The following PCDH9 variants were observed in gnomAD, a reference collection of about 807,000 sequenced individuals.
PCDH9 encodes protocadherin-9.
In PCDH9, 24 loss-of-function variants were observed where a neutral mutation model predicts 70.6. The ratio of observed to expected loss-of-function variants is 0.34; its 90% CI spans 0.25 to 0.48. PCDH9 has a LOEUF of 0.48. Among genes scored for constraint, PCDH9 ranks in the 20% least tolerant of loss-of-function variants. PCDH9 has a pLI of 0.99. For missense variants in PCDH9, 1,281 were observed against 1,503.6 expected (o/e 0.85, Z 2.45); for synonymous variants, 562 against 558.5 (o/e 1.01, Z -0.09).
intron 2 of PCDH9, among the ~76,000 whole-genome samples, chr13:67,136,600 A>G (rs2087238157): frequency 6.6e-6 from 1 of 152,176 alleles, no homozygotes; most frequent in African/African-American, 2.4e-5. Flanking sequence ...AATATAGGCT[A>G]GCTAAACTCT....
intron 4 of PCDH9, among the ~76,000 whole-genome samples, chr13:66,378,171 G>A (rs1956783095): frequency 6.6e-6 from 1 of 152,166 alleles, no homozygotes; most frequent in Admixed American, 6.5e-5. Context: ...GAAGAGAAGT[G>A]CAATCTGTGT....
chr13:67,178,476 T>A (rs919642720), intron 2 of PCDH9, among the ~76,000 whole-genome samples: 2 of 152,132 alleles, frequency 1.3e-5, no homozygotes, highest in Admixed American at 1.3e-4. Context: ...CTGTTTACAA[T>A]AATAATGTTG....
At chr13:66,702,636 T>A (rs2078661951) in intron 3 of PCDH9, among the ~76,000 whole-genome samples, 1 of 152,212 alleles carries the variant, frequency 6.6e-6, no homozygotes, top group African/African-American at 2.4e-5. Context: ...ACGGAGAAGT[T>A]AATTAGCTTA....
At chr13:66,926,738 A>G (rs920197961) in intron 2 of PCDH9, among the ~76,000 whole-genome samples, 10 of 152,070 alleles carry the variant, frequency 6.6e-5, no homozygotes, top group African/African-American at 2.4e-4. Flanking sequence ...TAATTCCACA[A>G]GCGTTTTTCA....
intron 3 of PCDH9, among the ~76,000 whole-genome samples, chr13:66,762,043 G>T (rs1218383997): frequency 6.6e-6 from 1 of 152,002 alleles, no homozygotes; most frequent in Non-Finnish European, 1.5e-5. Flanking sequence ...CAGTAAGCTT[G>T]TCCAGAGATT....
intron 3 of PCDH9, among the ~76,000 whole-genome samples, chr13:66,843,731 C>T (rs2081155836): frequency 6.6e-6 from 1 of 152,194 alleles, no homozygotes; most frequent in African/African-American, 2.4e-5. Flanking sequence ...AACATATGAG[C>T]TGGGCCTACT....
chr13:67,008,243 A>C (rs531141391), intron 2 of PCDH9, among the ~76,000 whole-genome samples: 1 of 152,182 alleles, frequency 6.6e-6, no homozygotes, highest in Non-Finnish European at 1.5e-5. Context: ...GTTACTGGAG[A>C]GTAAAAAGCA....
intron 2 of PCDH9, among the ~76,000 whole-genome samples, chr13:67,005,388 A>G (rs949983238): frequency 5.9e-5 from 9 of 152,212 alleles, no homozygotes; most frequent in African/African-American, 1.7e-4. Context: ...GCAACTTACT[A>G]TATAAAAATA....
chr13:66,683,144 C>T (rs1296466261), intron 3 of PCDH9, among the ~76,000 whole-genome samples: 2 of 152,104 alleles, frequency 1.3e-5, no homozygotes, highest in Non-Finnish European at 2.9e-5. Flanking sequence ...ATAAAGCCCA[C>T]AATCAAGGAG....
At chr13:66,445,602 A>G (rs1227468748) in intron 4 of PCDH9, among the ~76,000 whole-genome samples, 2 of 143,602 alleles carry the variant, frequency 1.4e-5, no homozygotes, top group African/African-American at 5.1e-5. Context: ...TATTATATAC[A>G]CATATATATT....
At chr13:66,704,904 C>A (rs1014957022) in intron 3 of PCDH9, among the ~76,000 whole-genome samples, 1 of 152,064 alleles carries the variant, frequency 6.6e-6, no homozygotes, top group Non-Finnish European at 1.5e-5. Flanking sequence ...AGTCATATAA[C>A]AAAACATATT....
intron 2 of PCDH9, among the ~76,000 whole-genome samples, chr13:67,168,683 T>C (rs2088192591): frequency 6.6e-6 from 1 of 152,152 alleles, no homozygotes; most frequent in Non-Finnish European, 1.5e-5. Context: ...GTGAGCTGTG[T>C]TCAGGCCACT....
intron 4 of PCDH9, among the ~76,000 whole-genome samples, chr13:66,355,550 C>CT (rs1956368847): frequency 6.6e-6 from 1 of 152,090 alleles, no homozygotes; most frequent in Non-Finnish European, 1.5e-5. Context: ...TTCTTAAGCA[C>CT]TAGAAGGCTC....
At chr13:66,811,489 A>T (rs1300023003) in intron 3 of PCDH9, among the ~76,000 whole-genome samples, 1 of 152,168 alleles carries the variant, frequency 6.6e-6, no homozygotes, top group Non-Finnish European at 1.5e-5. Context: ...TATGCTTAAA[A>T]TGTTACACCA....
At chr13:66,751,185 G>A (rs1040340367) in intron 3 of PCDH9, among the ~76,000 whole-genome samples, 28 of 151,980 alleles carry the variant, frequency 1.8e-4, no homozygotes, top group African/African-American at 6.8e-4. Flanking sequence ...AAGTTCTGAA[G>A]CAGAGCAAAT....
At position 66,336,275 on chromosome 13, in the gene PCDH9, T is replaced by A. The variant is rs182975316; in HGVS notation, c.3341-31247A>T. Among the ~76,000 whole-genome samples, 651 of 152,038 alleles carry A rather than the reference T, an allele frequency of 4.3e-3. 3 individuals carry two copies. The highest frequency in any genetic ancestry group is 0.034 in the Middle Eastern group (10 of 294). Reference sequence around the variant, plus strand: ...CTTTGCAGGATTTTTTTTTTTTTAATTTACAAAATCCACAGTACTGTACCC... The same window carrying A: ...CTTTGCAGGATTTTTTTTTTTTTAAATTACAAAATCCACAGTACTGTACCC... On this transcript the variant is annotated intron_variant, in intron 4 of 4. Coordinates refer to ENST00000377865, the MANE Select transcript of PCDH9 (RefSeq NM_203487.3).
chr13:66,922,589 G>A (rs1217753028), intron 2 of PCDH9, among the ~76,000 whole-genome samples: 2 of 151,336 alleles, frequency 1.3e-5, no homozygotes, highest in African/African-American at 2.4e-5. Flanking sequence ...CTGGGCTTTT[G>A]GCTTGAATAA....
intron 3 of PCDH9, among the ~76,000 whole-genome samples, chr13:66,861,857 A>G (rs1044599084): frequency 6.6e-6 from 1 of 152,218 alleles, no homozygotes; most frequent in African/African-American, 2.4e-5. Context: ...GGACAAAGAA[A>G]GAAATTCACA....
At chr13:67,065,387 A>G (rs1351476230) in intron 2 of PCDH9, among the ~76,000 whole-genome samples, 3 of 152,202 alleles carry the variant, frequency 2.0e-5, no homozygotes, top group Non-Finnish European at 4.4e-5. Flanking sequence ...AGGTGCAATT[A>G]TTCTTTCCCA....
Sources: allele counts gnomAD v4.1 joint callset (sites outside exome capture counted in the v4.1 genomes callset), GRCh38; gene constraint gnomAD v4.1.1; transcripts MANE v1.5; gene names NCBI Gene and HGNC (gene_info 2026-07-23, HGNC 2026-07-21).